STRIP2: variants seen among roughly 807,000 people sequenced by gnomAD.
STRIP2 encodes the protein striatin interacting protein 2.
A neutral mutation model predicts 107.1 loss-of-function variants in STRIP2; 84 were observed. The observed-to-expected ratio is 0.78, with a 90% CI of 0.66 to 0.94. The LOEUF is 0.94. Ranked by LOEUF, STRIP2 falls within the 40% of genes least tolerant of loss-of-function variation. The probability of loss-of-function intolerance (pLI) is 0.00; values close to 1 mark genes in which losing one functional copy is unlikely to be tolerated. For missense variants in STRIP2, 888 were observed against 1,034.2 expected, an observed-to-expected ratio of 0.86 and a Z score of 1.94; for synonymous variants, 394 against 400.4, an observed-to-expected ratio of 0.98 and a Z score of 0.19.
intron 7 of STRIP2, 71 bp from the exon 8 acceptor site, chr7:129,455,173 T>TCAGGGTTTTATGTCCAGCA (rs1798308820): frequency 3.3e-6 from 5 of 1,534,348 alleles, no homozygotes; most frequent in Non-Finnish European, 4.4e-6. Flanking sequence ...GTGTCCAGAA[T>TCAGGGTTTTATGTCCAGCA]CAGGGTTACA....
chr7:129,444,917 T>C (rs1438986507), intron 3 of STRIP2, among the ~76,000 whole-genome samples: 1 of 152,192 alleles, frequency 6.6e-6, no homozygotes, highest in African/African-American at 2.4e-5. Flanking sequence ...TACAAGTGTA[T>C]ACACGCACAA....
At position 129,472,848 on chromosome 7, in the gene STRIP2, G is replaced by A. The variant is rs1185011458; in HGVS notation, c.1944+2133G>A. 2.5e-5 allele frequency among the ~76,000 whole-genome samples: 3 copies of A among 119,972 alleles called. 1 individual carries two copies. The highest frequency in any genetic ancestry group is 3.2e-5 in the Non-Finnish European group (2 of 62,444). The allele number at this position is 119,972 out of a possible 152,430, so 78.7% of individuals were successfully genotyped here. ...GTCACCCAGGCTGGAATGCAGTGGT[G>A]TGATCTCAGCTCACTGAAACCTCTG... On this transcript the variant is annotated intron_variant, in intron 18 of 20. Transcript: ENST00000249344.
In STRIP2 at chr7:129,485,829, A is replaced by G; in HGVS notation, c.2505A>G (p.Ter835TrpextTer16). 1 of 1,613,060 alleles carries G rather than the reference A, an allele frequency of 6.2e-7. No individual in the cohort carries two copies. Among genetic ancestry groups the G allele is most frequent in the Non-Finnish European group, 8.5e-7 (1 of 1,179,962 alleles). Reference protein sequence around the residue: ...ICWEELLQNH* With the variant: ...ICWEELLQNHW Reference sequence around the variant, plus strand: ...GGGAGGAGCTGCTCCAGAATCACTGACTAAGTTCTTGTCAACAAGCATCAA... The same window carrying G: ...GGGAGGAGCTGCTCCAGAATCACTGGCTAAGTTCTTGTCAACAAGCATCAA... The change falls in exon 21 of 21, where the codon TGA becomes TGG. Residue 835 changes from the stop codon to tryptophan, a stop_lost. Coordinates refer to ENST00000249344, the MANE Select transcript of STRIP2 (RefSeq NM_020704.3).
Position 129,464,595 on chromosome 7 carries a change from T to G in STRIP2, c.1650-17T>G. 1 of 1,613,808 alleles carries G rather than the reference T, an allele frequency of 6.2e-7. No homozygotes were observed. Among genetic ancestry groups the G allele is most frequent in the South Asian group, 1.1e-5 (1 of 91,050 alleles). ...TAAGGCCACTCTCTGCACTAATACC[T>G]TCTCTCCCCATTGTAGCATCACTGT... On this transcript the variant is annotated splice_polypyrimidine_tract_variant and intron_variant, in intron 15 of 20. Transcript: ENST00000249344.
chr7:129,472,237 C>T (rs981214813), intron 18 of STRIP2, among the ~76,000 whole-genome samples: 1 of 152,094 alleles, frequency 6.6e-6, no homozygotes, highest in African/African-American at 2.4e-5. Flanking sequence ...AAGATAAAGT[C>T]AACTTTTATG....
At position 129,455,788 on chromosome 7, in the gene STRIP2, T is replaced by C. The variant is rs1320646940; in HGVS notation, c.834+417T>C. 4.3e-4 allele frequency among the ~76,000 whole-genome samples: 64 copies of C among 149,780 alleles called. 1 individual carries two copies. Among genetic ancestry groups the C allele is most frequent in the Non-Finnish European group, 6.0e-5 (4 of 67,208 alleles). On this transcript the variant is annotated intron_variant, in intron 8 of 20. Transcript: ENST00000249344. ...CCTCCAGATAAACAGAGGTTTTGTA[T>C]TTTTTTTTTAATAAAAATAATTTTT... is the stretch of plus-strand genomic sequence containing the variant.
chr7:129,471,758 A>C (rs1178956250), intron 18 of STRIP2, among the ~76,000 whole-genome samples: 1 of 152,162 alleles, frequency 6.6e-6, no homozygotes, highest in East Asian at 1.9e-4. Context: ...TTTACTCCTC[A>C]TAGGTGACAG....
chr7:129,462,245 C>T (rs995344742), intron 13 of STRIP2, among the ~76,000 whole-genome samples: 3 of 152,222 alleles, frequency 2.0e-5, no homozygotes, highest in Non-Finnish European at 1.5e-5. Context: ...TCCATTTAAG[C>T]AGCAGATTAG....
chr7:129,445,760 A>G (rs1334518205), intron 3 of STRIP2, among the ~76,000 whole-genome samples: 1 of 152,154 alleles, frequency 6.6e-6, no homozygotes, highest in Non-Finnish European at 1.5e-5. Context: ...CCACTGCCAC[A>G]CTTCTTTAGC....
At chr7:129,444,150 C>G (rs777211646) in intron 3 of STRIP2, 52 bp downstream of exon 3, 19 of 1,341,514 alleles carry the variant, frequency 1.4e-5, no homozygotes, top group Non-Finnish European at 1.9e-5. Flanking sequence ...TTATGATATA[C>G]CAGCCTGATC....
Position 129,451,674 on chromosome 7 carries a change from C to T in STRIP2, c.336C>T (p.Leu112=), listed in dbSNP as rs1798197011. 6.8e-6 allele frequency: 11 copies of T among 1,614,020 alleles called. No homozygotes were observed. Among genetic ancestry groups the T allele is most frequent in the South Asian group, 1.1e-5 (1 of 91,088 alleles). ...CCCAAAAGGCCTATATAATGGGACT[C>T]TTGGACCGGCTAGAGGTGGTCAGTA... ...EDAQKAYIMG[L]LDRLEVVSRE... The change falls in exon 4 of 21, where the codon CTC becomes CTT. Residue 112 remains leucine, a synonymous_variant. Coordinates refer to ENST00000249344, the MANE Select transcript of STRIP2 (RefSeq NM_020704.3).
intron 18 of STRIP2, among the ~76,000 whole-genome samples, chr7:129,473,689 C>T (rs765014176): frequency 1.3e-5 from 2 of 151,714 alleles, no homozygotes; most frequent in Non-Finnish European, 2.9e-5. Context: ...ATTTTAATTT[C>T]TTTAAATTTT....
chr7:129,485,660 A>G lies in STRIP2; in HGVS notation c.2336A>G (p.Tyr779Cys). 1 of 1,614,076 alleles carries G rather than the reference A, an allele frequency of 6.2e-7. No individual in the cohort carries two copies. Among genetic ancestry groups the G allele is most frequent in the South Asian group, 1.1e-5 (1 of 91,080 alleles). ...ANIEAFNSRRYDRPQDSEFSP... is the reference protein window; with the variant it reads ...ANIEAFNSRRCDRPQDSEFSP... ...ATTGAGGCTTTTAACAGCCGTCGCT[A>G]TGACAGACCCCAGGACTCTGAGTTT... Residue 779 changes from tyrosine (Y) to cysteine (C), a missense_variant, in exon 21 of 21, where the codon TAT becomes TGT. Tyr to Cys is a radical substitution (Grantham distance 194). Transcript: ENST00000249344.
chr7:129,434,835 G>T (rs560754489), intron 1 of STRIP2, among the ~76,000 whole-genome samples: 39 of 152,386 alleles, frequency 2.6e-4, no homozygotes, highest in African/African-American at 9.1e-4. Flanking sequence ...CCCCCGCTGC[G>T]CGAAGATGAG....
chr7:129,459,598 T>C lies in STRIP2; in HGVS notation c.1404+18T>C. ...TAAAGCAGGTGACTGGGGTGGGCTC[T>C]CAGTCTTCAGGGATAGGGAGCCATC... On this transcript the variant is annotated intron_variant, in intron 12 of 20. Coordinates refer to ENST00000249344, the MANE Select transcript of STRIP2 (RefSeq NM_020704.3). 6.2e-7 allele frequency: 1 copy of C among 1,606,386 alleles called. No homozygotes were observed. The highest frequency in any genetic ancestry group is 8.5e-7 in the Non-Finnish European group (1 of 1,172,982).
intron 17 of STRIP2, among the ~76,000 whole-genome samples, chr7:129,468,833 C>A (rs958352058): frequency 3.9e-5 from 6 of 152,182 alleles, no homozygotes; most frequent in African/African-American, 1.4e-4. Context: ...CCTAGGACAG[C>A]AATGCAGCTC....
At position 129,438,236 on chromosome 7, in the gene STRIP2, C is replaced by T. The variant is rs190570319; in HGVS notation, c.130-1786C>T. Among the ~76,000 whole-genome samples, 19 of 151,880 alleles carry T rather than the reference C, an allele frequency of 1.3e-4. No individual in the cohort carries two copies. The East Asian group carries it at 3.3e-3, about 26-fold the overall frequency. On this transcript the variant is annotated intron_variant, in intron 1 of 20. Transcript: ENST00000249344. Reference sequence around the variant, plus strand: ...TAAAAATCTATGCTTAGGAAATATCCTAAATATAGAAAAAAGTGTAAGTCT... The same window carrying T: ...TAAAAATCTATGCTTAGGAAATATCTTAAATATAGAAAAAAGTGTAAGTCT...
intron 16 of STRIP2, among the ~76,000 whole-genome samples, 167 bp downstream of exon 16, chr7:129,464,905 A>G (rs976863453): frequency 6.6e-6 from 1 of 152,148 alleles, no homozygotes; most frequent in Non-Finnish European, 1.5e-5. Flanking sequence ...AGGTAGGGTT[A>G]TGGAGTGGGA....
At chr7:129,468,587 T>C (rs1798724832) in intron 17 of STRIP2, among the ~76,000 whole-genome samples, 1 of 152,222 alleles carries the variant, frequency 6.6e-6, no homozygotes, top group Non-Finnish European at 1.5e-5. Flanking sequence ...GATGGGTTTT[T>C]CCTAACAATA....
Sources: allele counts gnomAD v4.1 joint callset (sites outside exome capture counted in the v4.1 genomes callset), GRCh38; gene constraint gnomAD v4.1.1; transcripts MANE v1.5; gene names NCBI Gene and HGNC (gene_info 2026-07-23, HGNC 2026-07-21).